HECW1: variants seen among roughly 807,000 people sequenced by gnomAD.
The protein encoded by HECW1 is HECT, C2 and WW domain containing E3 ubiquitin protein ligase 1.
In HECW1, 61 loss-of-function variants were observed where a neutral mutation model predicts 182.3. That is an observed-to-expected ratio of 0.33 (90% CI 0.27 to 0.41). The LOEUF (loss-of-function observed/expected upper bound fraction) is 0.41. Ranked by LOEUF, HECW1 falls within the 10% of genes least tolerant of loss-of-function variation. The pLI is 1.00. For synonymous variants in HECW1, 859 were observed against 832.6 expected (o/e 1.03, Z -0.55); for missense variants, 1,739 against 2,108.9 (o/e 0.82, Z 3.44).
At chr7:43,383,439 C>T (rs1340604589) in intron 6 of HECW1, among the ~76,000 whole-genome samples, 2 of 152,242 alleles carry the variant, frequency 1.3e-5, no homozygotes, top group African/African-American at 4.8e-5. Flanking sequence ...GCCTCGCCAG[C>T]ATCTGTTGTT....
intron 20 of HECW1, 62 bp downstream of exon 20, chr7:43,500,844 G>A (rs372243561): frequency 1.5e-5 from 21 of 1,361,280 alleles, no homozygotes; most frequent in East Asian, 4.6e-5. Flanking sequence ...CCTCCATCAC[G>A]GCCACCCTGA....
chr7:43,134,608 C>A (rs1191166193), intron 2 of HECW1, among the ~76,000 whole-genome samples: 1 of 151,882 alleles, frequency 6.6e-6, no homozygotes, highest in Non-Finnish European at 1.5e-5. Flanking sequence ...TGGGCTCAAG[C>A]AATCCTCCTG....
chr7:43,446,995 T>C (rs1187357006), intron 11 of HECW1, among the ~76,000 whole-genome samples: 2 of 152,120 alleles, frequency 1.3e-5, no homozygotes, highest in Admixed American at 1.3e-4. Flanking sequence ...ATAATTAAAA[T>C]AATACAACAA....
Position 43,262,172 on chromosome 7 carries a change from G to A in HECW1, c.27+18240G>A, listed in dbSNP as rs535103754. On this transcript the variant is annotated intron_variant, in intron 3 of 29. Coordinates refer to ENST00000395891, the MANE Select transcript of HECW1 (RefSeq NM_015052.5). ...GGAGATGGAGGTTGCAGTGAGCTGA[G>A]ATTGCGCCACTACACTCCACCCTGG... is the stretch of plus-strand genomic sequence containing the variant. Among the ~76,000 whole-genome samples, 8 of 152,212 alleles carry A rather than the reference G, an allele frequency of 5.3e-5. No individual in the cohort carries two copies. The East Asian group carries it at 1.5e-3, about 29-fold the overall frequency.
chr7:43,434,262 A>C (rs751229387), intron 8 of HECW1, among the ~76,000 whole-genome samples: 7 of 152,356 alleles, frequency 4.6e-5, no homozygotes, highest in Admixed American at 1.3e-4. Flanking sequence ...AACTTAAGAA[A>C]GTTCAATAAC....
At chr7:43,361,748 AC>A (rs1279084268) in intron 6 of HECW1, among the ~76,000 whole-genome samples, 2 of 150,816 alleles carry the variant, frequency 1.3e-5, no homozygotes, top group Non-Finnish European at 3.0e-5. Context: ...TAAATGACCA[AC>A]TGGGGAGGCT....
chr7:43,505,661 C>A (rs2079549758), intron 21 of HECW1, among the ~76,000 whole-genome samples: 1 of 152,170 alleles, frequency 6.6e-6, no homozygotes, highest in African/African-American at 2.4e-5. Context: ...TGCTGATCTT[C>A]CACCTGGAAT....
chr7:43,165,968 G>T (rs532166495), intron 2 of HECW1, among the ~76,000 whole-genome samples: 1 of 152,330 alleles, frequency 6.6e-6, no homozygotes, highest in South Asian at 2.1e-4. Flanking sequence ...TATTCAACCA[G>T]TGTCTATGAG....
chr7:43,438,830 G>T (rs1390450079), intron 9 of HECW1: 2 of 152,096 alleles, frequency 1.3e-5, no homozygotes, highest in Non-Finnish European at 2.9e-5. Context: ...ACTAAATAAA[G>T]CTTTCTATTG....
chr7:43,312,305 A>G (rs1026628394), intron 4 of HECW1, among the ~76,000 whole-genome samples: 3 of 152,256 alleles, frequency 2.0e-5, no homozygotes, highest in African/African-American at 7.2e-5. Context: ...ATCATGAGAT[A>G]TAGCAGAGTC....
chr7:43,408,652 C>T (rs1290394140), intron 8 of HECW1, among the ~76,000 whole-genome samples: 1 of 152,082 alleles, frequency 6.6e-6, no homozygotes, highest in African/African-American at 2.4e-5. Flanking sequence ...TGCCACTGCA[C>T]TCCAACCTGG....
At chr7:43,156,590 C>T (rs113124593) in intron 2 of HECW1, among the ~76,000 whole-genome samples, 76 of 152,284 alleles carry the variant, frequency 5.0e-4, no homozygotes, top group African/African-American at 1.7e-3. Context: ...AGATAGTAGG[C>T]TGTCATTAGT....
At chr7:43,390,881 A>C (rs1309572976) in intron 6 of HECW1, among the ~76,000 whole-genome samples, 2 of 152,178 alleles carry the variant, frequency 1.3e-5, no homozygotes, top group African/African-American at 4.8e-5. Flanking sequence ...CAAAGAGCCC[A>C]CCAAGAGTTT....
At chr7:43,554,538 C>A in intron 28 of HECW1, 54 bp from the exon 29 acceptor site, 3 of 1,478,480 alleles carry the variant, frequency 2.0e-6, no homozygotes, top group Non-Finnish European at 2.8e-6. Context: ...TCCCTCCTCA[C>A]CCCTTCCTCT....
chr7:43,198,297 G>T (rs1448597215), intron 2 of HECW1, among the ~76,000 whole-genome samples: 5 of 121,196 alleles, frequency 4.1e-5, no homozygotes. Flanking sequence ...ACACACATTC[G>T]CACACTCACC....
chr7:43,115,982 A>C (rs1207869399), intron 2 of HECW1, among the ~76,000 whole-genome samples: 2 of 152,198 alleles, frequency 1.3e-5, no homozygotes, highest in East Asian at 3.8e-4. Context: ...TGCCTGGTAC[A>C]TCATGTGTTC....
At chr7:43,191,398 T>C (rs1311915150) in intron 2 of HECW1, among the ~76,000 whole-genome samples, 1 of 152,208 alleles carries the variant, frequency 6.6e-6, no homozygotes, top group Non-Finnish European at 1.5e-5. Context: ...CTAATTACAC[T>C]TCTTGGACAA....
chr7:43,360,536 T>A (rs1562884090), intron 5 of HECW1, among the ~76,000 whole-genome samples: 2 of 152,190 alleles, frequency 1.3e-5, no homozygotes, highest in Non-Finnish European at 2.9e-5. Context: ...AATTAAATAA[T>A]AGGACATTAC....
At chr7:43,153,246 A>G (rs1789533559) in intron 2 of HECW1, among the ~76,000 whole-genome samples, 1 of 151,502 alleles carries the variant, frequency 6.6e-6, no homozygotes, top group East Asian at 1.9e-4. Flanking sequence ...TATTTCTTGA[A>G]TTTTCTTGTC....
Sources: gnomAD v4.1 joint callset for allele counts (sites outside exome capture counted in the v4.1 genomes callset) on GRCh38, gnomAD v4.1.1 for gene constraint, MANE v1.5 for transcripts, NCBI Gene and HGNC (gene_info 2026-07-23, HGNC 2026-07-21) for gene names.